Variants in SOX5 observed in about 807,000 individuals in gnomAD.
SOX5 encodes transcription factor SOX-5.
In SOX5, 9 loss-of-function variants were observed where a neutral mutation model predicts 92.0. The observed-to-expected ratio is 0.10, with a 90% CI of 0.06 to 0.17. SOX5 has a LOEUF of 0.17. Ranked by LOEUF, SOX5 falls within the 10% of genes least tolerant of loss-of-function variation. The pLI, the probability that SOX5 is intolerant of heterozygous loss-of-function variation, is 1.00. For synonymous variants in SOX5, 344 were observed against 336.3 expected (o/e 1.02, Z -0.25); for missense variants, 642 against 944.5 (o/e 0.68, Z 4.20).
intron 4 of SOX5, among the ~76,000 whole-genome samples, chr12:24,012,858 T>C (rs1953115502): frequency 1.3e-5 from 2 of 152,162 alleles, no homozygotes; most frequent in Non-Finnish European, 2.9e-5. Flanking sequence ...AATGGAGAAC[T>C]ACCAAACACT....
At chr12:24,467,120 T>C (rs1944314311) in intron 1 of SOX5, among the ~76,000 whole-genome samples, 2 of 152,202 alleles carry the variant, frequency 1.3e-5, no homozygotes, top group Non-Finnish European at 2.9e-5. Flanking sequence ...CACAGGTACA[T>C]TTAAGGTCTG....
intron 4 of SOX5, among the ~76,000 whole-genome samples, chr12:24,185,674 A>G (rs1955944691): frequency 6.6e-6 from 1 of 152,156 alleles, no homozygotes; most frequent in Admixed American, 6.6e-5. Flanking sequence ...CTGTTCCATA[A>G]TTTCCTCAGC....
At chr12:23,962,104 T>C (rs1315610626) in intron 4 of SOX5, among the ~76,000 whole-genome samples, 1 of 152,056 alleles carries the variant, frequency 6.6e-6, no homozygotes, top group Non-Finnish European at 1.5e-5. Flanking sequence ...CACTGAAGTG[T>C]GTAAAAAAAA....
intron 3 of SOX5, among the ~76,000 whole-genome samples, chr12:23,756,987 G>A (rs1567516429): frequency 1.3e-5 from 2 of 151,720 alleles, no homozygotes; most frequent in Non-Finnish European, 2.9e-5. Context: ...CCTGTGTGGA[G>A]TTTTCAACAA....
intron 1 of SOX5, among the ~76,000 whole-genome samples, chr12:24,542,394 T>G (rs1229469037): frequency 6.6e-6 from 1 of 152,234 alleles, no homozygotes; most frequent in Admixed American, 6.5e-5. Flanking sequence ...TATGTATCCT[T>G]ACAGCTGCCT....
In SOX5 at chr12:23,609,136, T is replaced by A. The variant is rs1157596256; in HGVS notation, c.1018-4603A>T. On this transcript the variant is annotated intron_variant, in intron 8 of 14. Transcript: ENST00000451604. Reference sequence around the variant, plus strand: ...TAAAAGAAAGGCATGAGAGCAGGAATGAGCTAGTTGCTGCAAGGGAAATAT... The same window carrying A: ...TAAAAGAAAGGCATGAGAGCAGGAAAGAGCTAGTTGCTGCAAGGGAAATAT... 1.3e-5 allele frequency among the ~76,000 whole-genome samples: 2 copies of A among 152,132 alleles called. 1 individual carries two copies. The highest frequency in any genetic ancestry group is 4.1e-4 in the South Asian group (2 of 4,832).
chr12:23,729,852 A>G lies in SOX5; in HGVS notation c.810+4832T>C, dbSNP rs1397555248. 2.0e-5 allele frequency among the ~76,000 whole-genome samples: 3 copies of G among 152,204 alleles called. No homozygotes were observed. In the East Asian group the frequency reaches 5.8e-4, roughly 29 times the overall value. ...GGATTAGCCCTATTAGTTGCTGTAAAGAACCTTAAATTCCACTAAGTATTA... is the reference window on the plus strand; with the variant it reads ...GGATTAGCCCTATTAGTTGCTGTAAGGAACCTTAAATTCCACTAAGTATTA... On this transcript the variant is annotated intron_variant, in intron 6 of 14. Transcript: ENST00000451604.
chr12:24,499,078 G>C (rs1055407646), intron 1 of SOX5, among the ~76,000 whole-genome samples: 20 of 152,172 alleles, frequency 1.3e-4, no homozygotes, highest in African/African-American at 3.9e-4. Flanking sequence ...TTCAGGTATA[G>C]CTCTATCATA....
In SOX5 at chr12:23,683,374, CTTCGG is replaced by C. The variant is rs375945005; in HGVS notation, c.811-17815_811-17811del. 7.5e-3 allele frequency among the ~76,000 whole-genome samples: 1,134 copies of C among 151,930 alleles called. 8 individuals are homozygous for C. Among genetic ancestry groups the C allele is most frequent in the South Asian group, 0.036 (172 of 4,828 alleles). ...ATTTCAAAAAGAAAACTGGTGAAAA[CTTCGG>C]TTCATGTTCTTGAATTAATGCTATC... On this transcript the variant is annotated intron_variant, in intron 6 of 14. Transcript: ENST00000451604.
intron 4 of SOX5, among the ~76,000 whole-genome samples, chr12:24,165,191 GAT>G (rs944648243): frequency 4.0e-5 from 6 of 151,898 alleles, no homozygotes; most frequent in African/African-American, 1.4e-4. Flanking sequence ...TAAATGTTTT[GAT>G]ATCATGTGTT....
At chr12:24,258,105 G>A (rs11047331) in intron 3 of SOX5, among the ~76,000 whole-genome samples, 4,712 of 152,138 alleles carry the variant, frequency 0.031, 136 homozygotes, top group African/African-American at 0.08. Flanking sequence ...CCCGGGAGGC[G>A]GAGGCTGCAG....
chr12:23,759,234 A>C (rs78137375), intron 3 of SOX5, among the ~76,000 whole-genome samples: 22 of 152,174 alleles, frequency 1.4e-4, no homozygotes, highest in African/African-American at 4.8e-4. Flanking sequence ...TTTTGTTTTC[A>C]GGGTGTGGTC....
At chr12:24,088,066 GTAA>G (rs772989160) in intron 4 of SOX5, among the ~76,000 whole-genome samples, 64 of 151,896 alleles carry the variant, frequency 4.2e-4, no homozygotes, top group Non-Finnish European at 7.8e-4. Context: ...CAAGCAATGG[GTAA>G]TAATCTCTGC....
intron 1 of SOX5, among the ~76,000 whole-genome samples, chr12:24,466,716 C>T (rs1298839004): frequency 6.6e-6 from 1 of 152,014 alleles, no homozygotes; most frequent in South Asian, 2.1e-4. Context: ...CCCATTCTAG[C>T]TAGACATCAT....
intron 8 of SOX5, among the ~76,000 whole-genome samples, chr12:23,620,317 T>C (rs536542283): frequency 6.6e-4 from 101 of 152,236 alleles, no homozygotes; most frequent in South Asian, 1.2e-3. Flanking sequence ...CAGAATTAGA[T>C]TTCTATTTCT....
At chr12:24,375,429 G>A (rs563048504) in intron 1 of SOX5, among the ~76,000 whole-genome samples, 1 of 152,086 alleles carries the variant, frequency 6.6e-6, no homozygotes, top group Non-Finnish European at 1.5e-5. Flanking sequence ...GCCCAGTAAG[G>A]TGAGGGGTCA....
At chr12:23,998,115 G>GGT in intron 4 of SOX5, among the ~76,000 whole-genome samples, 1 of 152,186 alleles carries the variant, frequency 6.6e-6, no homozygotes, top group South Asian at 2.1e-4. Flanking sequence ...AGGGACCCCA[G>GGT]GTGTCAGACT....
chr12:24,463,685 T>C (rs1943899632), intron 1 of SOX5, among the ~76,000 whole-genome samples: 1 of 152,228 alleles, frequency 6.6e-6, no homozygotes, highest in Admixed American at 6.5e-5. Context: ...TCAGAGATTA[T>C]AGGGAGAGCA....
At chr12:24,542,587 ACCAT>A (rs1306866960) in intron 1 of SOX5, among the ~76,000 whole-genome samples, 1 of 152,100 alleles carries the variant, frequency 6.6e-6, no homozygotes. Flanking sequence ...AGTAACCCAC[ACCAT>A]CCTGCTCTCA....
Sources: gnomAD v4.1 joint callset for allele counts (sites outside exome capture counted in the v4.1 genomes callset) on GRCh38, gnomAD v4.1.1 for gene constraint, MANE v1.5 for transcripts, NCBI Gene and HGNC (gene_info 2026-07-23, HGNC 2026-07-21) for gene names.